ZDHHC21: variants seen among roughly 807,000 people sequenced by gnomAD.
ZDHHC21 encodes zDHHC palmitoyltransferase 21, also known as palmitoyltransferase ZDHHC21.
Under a neutral mutation model 34.6 loss-of-function variants are expected in ZDHHC21, and 15 were observed. That is an observed-to-expected ratio of 0.43 (90% confidence interval 0.29 to 0.67). The LOEUF (loss-of-function observed/expected upper bound fraction) is 0.67, where lower values mean the gene tolerates loss of function less well. Ranked by LOEUF, ZDHHC21 falls within the 30% of genes least tolerant of loss-of-function variation. The pLI, the probability that ZDHHC21 is intolerant of heterozygous loss-of-function variation, is 0.14. For synonymous variants in ZDHHC21, 142 were observed against 101.8 expected (o/e 1.40, Z -2.38); for missense variants, 344 against 327.7 (o/e 1.05, Z -0.38).
Position 14,617,257 on chromosome 9 carries a change from T to C in ZDHHC21, c.*1709A>G, listed in dbSNP as rs537839832. ...TATTTCTTCTATTTAATTTACTACG[T>C]CTCTTTTCAGTACCAATAAATATGT... On this transcript the variant is annotated 3_prime_UTR_variant, in exon 10 of 10. Transcript: ENST00000380916. The C allele has an allele frequency of 6.6e-6, 1 of 152,072 alleles. No individual in the cohort carries two copies. Among genetic ancestry groups the C allele is most frequent in the East Asian group, 1.9e-4 (1 of 5,148 alleles). 9.4% of individuals were successfully genotyped at this position (152,072 alleles called of 1,614,324 possible). A position where few individuals can be genotyped will look rare whatever the true frequency, so the allele number is the denominator to read the frequency against.
chr9:14,595,178 T>A, the ZDHHC21 span, among the ~76,000 whole-genome samples: 8 of 152,156 alleles, frequency 5.3e-5, no homozygotes, highest in African/African-American at 1.9e-4. Context: ...CTACCCCAGA[T>A]AAATAAAACA....
downstream of ZDHHC21, among the ~76,000 whole-genome samples, chr9:14,608,681 A>T (rs1462936786): frequency 6.6e-6 from 1 of 151,926 alleles, no homozygotes; most frequent in East Asian, 1.9e-4. Context: ...TCAAGCTAAC[A>T]CATATCCTCT....
intron 8 of ZDHHC21, among the ~76,000 whole-genome samples, chr9:14,625,491 A>T (rs1826044832): frequency 6.6e-6 from 1 of 152,048 alleles, no homozygotes. Flanking sequence ...CTGACTGTAT[A>T]ATCTAAAGAA....
At chr9:14,595,654 A>T in the ZDHHC21 span, among the ~76,000 whole-genome samples, 1 of 152,360 alleles carries the variant, frequency 6.6e-6, no homozygotes, top group East Asian at 1.9e-4. Flanking sequence ...AATACATCTG[A>T]CAAAGGAATG....
the ZDHHC21 span, among the ~76,000 whole-genome samples, chr9:14,602,329 G>T: frequency 1.3e-5 from 2 of 152,014 alleles, no homozygotes. Flanking sequence ...AGCCTACAAT[G>T]ACACAAGGGA....
chr9:14,589,385 A>T, the ZDHHC21 span: 1 of 152,090 alleles, frequency 6.6e-6, no homozygotes, highest in Admixed American at 6.5e-5. Flanking sequence ...AAATGAGGTG[A>T]CTCCTGAAAT....
intron 1 of ZDHHC21, among the ~76,000 whole-genome samples, chr9:14,692,091 C>T (rs1839241146): frequency 6.6e-6 from 1 of 152,194 alleles, no homozygotes; most frequent in African/African-American, 2.4e-5. Context: ...TTTCTCACCT[C>T]AATTCTTCAA....
At chr9:14,642,797 C>T (rs1173021615) in intron 7 of ZDHHC21, among the ~76,000 whole-genome samples, 1 of 152,100 alleles carries the variant, frequency 6.6e-6, no homozygotes, top group African/African-American at 2.4e-5. Flanking sequence ...TTTAAGCCAC[C>T]CACTTTGTTG....
At chr9:14,590,290 A>AGT in the ZDHHC21 span, among the ~76,000 whole-genome samples, 1 of 152,154 alleles carries the variant, frequency 6.6e-6, no homozygotes, top group Non-Finnish European at 1.5e-5. Context: ...ACTGAGTCTT[A>AGT]GTAAGCTAGG....
chr9:14,663,000 C>T (rs1833682495), intron 5 of ZDHHC21, among the ~76,000 whole-genome samples: 2 of 152,122 alleles, frequency 1.3e-5, no homozygotes, highest in Non-Finnish European at 2.9e-5. Flanking sequence ...CTTCATAAAA[C>T]ACTGAACTAC....
chr9:14,638,281 G>GA (rs1259728240), intron 8 of ZDHHC21, among the ~76,000 whole-genome samples: 1 of 151,748 alleles, frequency 6.6e-6, no homozygotes, highest in Non-Finnish European at 1.5e-5. Context: ...TACATTGGGG[G>GA]AAAAAAACAG....
intron 5 of ZDHHC21, among the ~76,000 whole-genome samples, chr9:14,665,858 T>C (rs992070351): frequency 7.4e-5 from 11 of 148,930 alleles, no homozygotes; most frequent in African/African-American, 2.7e-4. Context: ...GCGCTAAACA[T>C]GGAAAGGAAC....
intron 3 of ZDHHC21, among the ~76,000 whole-genome samples, chr9:14,676,982 T>G (rs1374724715): frequency 1.3e-5 from 2 of 152,012 alleles, no homozygotes; most frequent in African/African-American, 4.8e-5. Flanking sequence ...GTAGCTTAAA[T>G]TTATTAACAT....
chr9:14,670,595 AAAG>A (rs532025040), intron 5 of ZDHHC21, among the ~76,000 whole-genome samples: 402 of 152,214 alleles, frequency 2.6e-3, no homozygotes, highest in African/African-American at 8.7e-3. Context: ...CCTTTATAGT[AAAG>A]AAGAATTTAT....
chr9:14,610,548 T>C (rs1462866462), downstream of ZDHHC21, among the ~76,000 whole-genome samples: 2 of 152,070 alleles, frequency 1.3e-5, no homozygotes, highest in Admixed American at 1.3e-4. Context: ...TGTCTTTCAA[T>C]CTCAGGGCAG....
chr9:14,636,122 G>C (rs549955250), intron 8 of ZDHHC21, among the ~76,000 whole-genome samples: 6 of 152,172 alleles, frequency 3.9e-5, no homozygotes, highest in African/African-American at 1.4e-4. Context: ...CTTTCTGAAT[G>C]GACTAAATAA....
At chr9:14,677,123 G>A (rs908696937) in intron 3 of ZDHHC21, among the ~76,000 whole-genome samples, 4 of 151,786 alleles carry the variant, frequency 2.6e-5, no homozygotes, top group African/African-American at 4.8e-5. Flanking sequence ...ATCTCTCACA[G>A]CAACAAAAAA....
downstream of ZDHHC21, among the ~76,000 whole-genome samples, chr9:14,609,170 A>C (rs1167326602): frequency 1.6e-5 from 1 of 62,228 alleles, no homozygotes; most frequent in Non-Finnish European, 2.8e-5. Flanking sequence ...AATACTGATG[A>C]AACAGCAAAA....
At chr9:14,629,361 T>G (rs1826900099) in intron 8 of ZDHHC21, among the ~76,000 whole-genome samples, 1 of 152,120 alleles carries the variant, frequency 6.6e-6, no homozygotes, top group Admixed American at 6.6e-5. Flanking sequence ...CCTTGCAATT[T>G]GAGAATTAAC....
Sources: gnomAD v4.1 joint callset for allele counts (sites outside exome capture counted in the v4.1 genomes callset) on GRCh38, gnomAD v4.1.1 for gene constraint, MANE v1.5 for transcripts, NCBI Gene and HGNC (gene_info 2026-07-23, HGNC 2026-07-21) for gene names.